The following SLC17A1 variants were observed in gnomAD, a reference collection of about 807,000 sequenced individuals.
The protein encoded by SLC17A1 is solute carrier family 17 member 1.
A neutral mutation model predicts 53.5 loss-of-function variants in SLC17A1; 51 were observed. The ratio of observed to expected loss-of-function variants is 0.95; its 90% confidence interval spans 0.76 to 1.20. The LOEUF is 1.20. Among genes scored for constraint, SLC17A1 ranks in the 50% most tolerant of loss-of-function variants. The pLI is 0.00. For missense variants in SLC17A1, 538 were observed against 568.2 expected, an observed-to-expected ratio of 0.95 and a Z score of 0.54; for synonymous variants, 179 against 198.8, an observed-to-expected ratio of 0.90 and a Z score of 0.84.
At chr6:25,798,634 C>A in intron 12 of SLC17A1, 149 bp downstream of exon 12, 1 of 604,196 alleles carries the variant, frequency 1.7e-6, no homozygotes, top group Admixed American at 3.6e-5. Context: ...ACAGCCATTT[C>A]AGGATGTCTA....
the SLC17A1 span, chr6:25,726,528 C>G: frequency 1.2e-6 from 2 of 1,603,614 alleles, no homozygotes; most frequent in Non-Finnish European, 1.7e-6. Context: ...GTCCAGACAT[C>G]TCCTCGCATC....
chr6:25,776,724 A>G, the SLC17A1 span: 1 of 1,613,948 alleles, frequency 6.2e-7, no homozygotes, highest in East Asian at 2.2e-5. Flanking sequence ...CTTCACTGCC[A>G]TTGGTAAGGG....
the SLC17A1 span, chr6:25,768,383 A>T: frequency 1.7e-5 from 17 of 987,146 alleles, no homozygotes; most frequent in Non-Finnish European, 1.9e-5. Flanking sequence ...ATGTATATGG[A>T]CTCAACCACA....
chr6:25,743,217 T>C, the SLC17A1 span, among the ~76,000 whole-genome samples: 2 of 152,214 alleles, frequency 1.3e-5, no homozygotes, highest in African/African-American at 4.8e-5. Context: ...TAAACCATGT[T>C]AATGATTTAC....
downstream of SLC17A1, chr6:25,779,342 G>A: frequency 1.0e-6 from 1 of 998,486 alleles, no homozygotes; most frequent in East Asian, 2.7e-5. Flanking sequence ...ATTTTACAGG[G>A]GAAGAAAACA....
chr6:25,778,336 G>A (rs1202130719), downstream of SLC17A1, among the ~76,000 whole-genome samples: 1 of 151,388 alleles, frequency 6.6e-6, no homozygotes, highest in Non-Finnish European at 1.5e-5. Flanking sequence ...TGACTTTCCT[G>A]TGGTTTTTCA....
chr6:25,769,242 A>C, the SLC17A1 span: 1 of 1,491,808 alleles, frequency 6.7e-7, no homozygotes, highest in Non-Finnish European at 9.3e-7. Context: ...AATTTGACTT[A>C]AAGAGTTATA....
chr6:25,800,475 T>C (rs1324867528), intron 11 of SLC17A1, among the ~76,000 whole-genome samples: 2 of 152,062 alleles, frequency 1.3e-5, no homozygotes, highest in South Asian at 2.1e-4. Flanking sequence ...CCATGACATG[T>C]GCAAAAACAG....
At chr6:25,782,642 C>A (rs1168392221), downstream of SLC17A1, among the ~76,000 whole-genome samples, 2 of 152,118 alleles carry the variant, frequency 1.3e-5, no homozygotes, top group Non-Finnish European at 2.9e-5. Flanking sequence ...TGGGTCTGCT[C>A]CGTATCATTT....
At chr6:25,825,486 A>G (rs372220573) in intron 3 of SLC17A1, among the ~76,000 whole-genome samples, 10 of 151,880 alleles carry the variant, frequency 6.6e-5, no homozygotes, top group African/African-American at 2.4e-4. Context: ...CCTTATTTGC[A>G]TGGTTTCTGA....
chr6:25,745,716 G>A, the SLC17A1 span, among the ~76,000 whole-genome samples: 1 of 152,184 alleles, frequency 6.6e-6, no homozygotes, highest in African/African-American at 2.4e-5. Context: ...AATCATCAAA[G>A]TAACCAAAAC....
At chr6:25,757,019 G>A in the SLC17A1 span, among the ~76,000 whole-genome samples, 2 of 152,148 alleles carry the variant, frequency 1.3e-5, no homozygotes, top group African/African-American at 4.8e-5. Flanking sequence ...ATTTTACCAA[G>A]TTTCTTTTCA....
chr6:25,724,760 G>A, the SLC17A1 span, among the ~76,000 whole-genome samples: 1 of 152,102 alleles, frequency 6.6e-6, no homozygotes, highest in Non-Finnish European at 1.5e-5. Context: ...CTGATTTTAA[G>A]TTTTACATTT....
the SLC17A1 span, chr6:25,726,056 GA>G: frequency 1.5e-6 from 2 of 1,345,076 alleles, no homozygotes. Context: ...GCCTTTTTCT[GA>G]GACGGTAGGT....
the SLC17A1 span, chr6:25,773,133 T>A: frequency 5.6e-6 from 4 of 718,338 alleles, no homozygotes; most frequent in Non-Finnish European, 9.9e-6. Context: ...CCCTCCCCCA[T>A]GATAGGGCCA....
chr6:25,782,197 C>G (rs1392620849), downstream of SLC17A1, among the ~76,000 whole-genome samples: 1 of 152,084 alleles, frequency 6.6e-6, no homozygotes, highest in East Asian at 1.9e-4. Context: ...ATCTTTCTTC[C>G]TACTTGGAAG....
intron 12 of SLC17A1, among the ~76,000 whole-genome samples, chr6:25,792,295 G>A (rs893069934): frequency 2.0e-5 from 3 of 152,116 alleles, no homozygotes; most frequent in Non-Finnish European, 2.9e-5. Context: ...ACAACTAAAC[G>A]TGTTTCCATT....
At chr6:25,757,619 C>A in the SLC17A1 span, among the ~76,000 whole-genome samples, 23 of 152,108 alleles carry the variant, frequency 1.5e-4, no homozygotes, top group Non-Finnish European at 3.1e-4. Context: ...TTCTTGATCC[C>A]TTTCTCTGTC....
At chr6:25,772,785 G>T in the SLC17A1 span, among the ~76,000 whole-genome samples, 4 of 152,296 alleles carry the variant, frequency 2.6e-5, no homozygotes, top group South Asian at 8.3e-4. Context: ...AATGGTGAGG[G>T]CATTTTCAAG....
Sources: allele counts gnomAD v4.1 joint callset (sites outside exome capture counted in the v4.1 genomes callset), GRCh38; gene constraint gnomAD v4.1.1; transcripts MANE v1.5; gene names NCBI Gene and HGNC (gene_info 2026-07-23, HGNC 2026-07-21).